Variants in ST8SIA1 observed in about 807,000 individuals in gnomAD.
ST8SIA1 encodes ST8 alpha-N-acetyl-neuraminide alpha-2,8-sialyltransferase 1.
ST8SIA1 carries 16 observed loss-of-function variants against 35.9 expected under a neutral mutation model. The ratio of observed to expected loss-of-function variants is 0.45; its 90% CI spans 0.30 to 0.68. The LOEUF (loss-of-function observed/expected upper bound fraction) is 0.68, where lower values mean the gene tolerates loss of function less well. ST8SIA1 is among the 30% of genes least tolerant of loss of function. The pLI, the probability that ST8SIA1 is intolerant of heterozygous loss-of-function variation, is 0.09. For missense variants in ST8SIA1, 383 were observed against 453.6 expected (o/e 0.84, Z 1.41); for synonymous variants, 170 against 169.6 (o/e 1.00, Z -0.02).
intron 1 of ST8SIA1, among the ~76,000 whole-genome samples, chr12:22,308,778 T>C (rs1183368601): frequency 6.6e-6 from 1 of 152,138 alleles, no homozygotes; most frequent in East Asian, 1.9e-4. Flanking sequence ...GTTGACCAAA[T>C]TTCTCCTTCT....
chr12:22,233,683 G>T (rs1015184270), intron 4 of ST8SIA1, among the ~76,000 whole-genome samples: 1 of 151,922 alleles, frequency 6.6e-6, no homozygotes, highest in African/African-American at 2.4e-5. Context: ...AAAGACCTAG[G>T]TTCAAGTGCC....
In ST8SIA1 at chr12:22,201,950, T is replaced by C. The variant is rs1298357330; in HGVS notation, c.673A>G (p.Met225Val). Reference protein sequence around the residue: ...HSYIYMPAFSMKTGTEPSLRV... With the variant: ...HSYIYMPAFSVKTGTEPSLRV... ...AAAGATGGCTCTGTTCCTGTCTTCA[T>C]AGAAAAGGCAGGCATGTAGATGTAA... Residue 225 changes from methionine to valine, a missense_variant, in exon 5 of 5, where the codon ATG becomes GTG. Physicochemically the swap from Met to Val is conservative, Grantham distance 21. Transcript: ENST00000396037. 2 of 1,614,008 alleles carry C rather than the reference T, an allele frequency of 1.2e-6. No individual in the cohort carries two copies. Among genetic ancestry groups the C allele is most frequent in the East Asian group, 2.2e-5 (1 of 44,874 alleles).
intron 1 of ST8SIA1, among the ~76,000 whole-genome samples, chr12:22,311,403 G>T (rs566215148): frequency 6.6e-6 from 1 of 152,162 alleles, no homozygotes; most frequent in South Asian, 2.1e-4. Context: ...AGAATCGAAG[G>T]ACTAGAAGGA....
At chr12:22,261,310 CT>C (rs889707176) in intron 2 of ST8SIA1, among the ~76,000 whole-genome samples, 7 of 151,570 alleles carry the variant, frequency 4.6e-5, no homozygotes, top group South Asian at 4.2e-4. Flanking sequence ...ACGCTCGGGT[CT>C]TTTTTTTGTA....
intron 2 of ST8SIA1, among the ~76,000 whole-genome samples, chr12:22,261,430 A>G (rs1186854165): frequency 6.6e-6 from 1 of 152,192 alleles, no homozygotes; most frequent in African/African-American, 2.4e-5. Flanking sequence ...TGCCCAGCCA[A>G]GGGTGTACTT....
chr12:22,249,199 C>T (rs945941861), intron 3 of ST8SIA1, 101 bp from the exon 4 acceptor site: 12 of 765,134 alleles, frequency 1.6e-5, no homozygotes, highest in Admixed American at 5.4e-5. Flanking sequence ...GCTGAATTCA[C>T]GAGTAACTGT....
intron 1 of ST8SIA1, among the ~76,000 whole-genome samples, chr12:22,305,429 G>A (rs1866372482): frequency 6.9e-6 from 1 of 144,608 alleles, no homozygotes; most frequent in South Asian, 2.2e-4. Flanking sequence ...CTCCCAGGCT[G>A]GAGTGCAATG....
chr12:22,280,555 T>C (rs1388998283), intron 2 of ST8SIA1, among the ~76,000 whole-genome samples: 1 of 107,522 alleles, frequency 9.3e-6, no homozygotes, highest in Non-Finnish European at 2.1e-5. Flanking sequence ...TCAAGTAATT[T>C]AGAAAGATCT....
chr12:22,217,732 C>T (rs1479678507), intron 4 of ST8SIA1, among the ~76,000 whole-genome samples: 1 of 152,208 alleles, frequency 6.6e-6, no homozygotes, highest in Non-Finnish European at 1.5e-5. Context: ...CTTTCATCAT[C>T]ATCATCACCA....
chr12:22,249,371 A>C (rs1285288764), intron 3 of ST8SIA1, among the ~76,000 whole-genome samples: 1 of 151,924 alleles, frequency 6.6e-6, no homozygotes, highest in Admixed American at 6.6e-5. Context: ...GGCACCTGCC[A>C]CCACACCCGG....
At chr12:22,284,222 C>CA (rs1431691298) in intron 2 of ST8SIA1, among the ~76,000 whole-genome samples, 1 of 152,136 alleles carries the variant, frequency 6.6e-6, no homozygotes, top group Non-Finnish European at 1.5e-5. Flanking sequence ...TGATGGCTAA[C>CA]ATATACGGAG....
rs540613973 is a variant in ST8SIA1 at position 22,207,209 on chromosome 12, T to C, written c.585-5171A>G. On this transcript the variant is annotated intron_variant, in intron 4 of 4. Coordinates refer to ENST00000396037, the MANE Select transcript of ST8SIA1 (RefSeq NM_003034.4). ...CTGCATGGAAGGGCTTTATGCACTC[T>C]GGGAGAAAATTTACATGTGGACAGG... Among the ~76,000 whole-genome samples the C allele has an allele frequency of 2.5e-4, 38 of 152,310 alleles. 1 individual carries two copies. Among genetic ancestry groups the C allele is most frequent in the Middle Eastern group, 6.8e-3 (2 of 294 alleles).
rs1864958492 is a variant in ST8SIA1, at chr12:22,194,369, A to G, written c.*7183T>C. On this transcript the variant is annotated 3_prime_UTR_variant, in exon 5 of 5. Transcript: ENST00000396037. ...CAATGAAGGATATTTACATACTATT[A>G]TCAGACTTCTCCAAGGCCTATAAAC... The G allele has an allele frequency of 6.6e-6, 1 of 152,226 alleles. No homozygotes were observed. Among genetic ancestry groups the G allele is most frequent in the Non-Finnish European group, 1.5e-5 (1 of 68,042 alleles). 9.4% of individuals were successfully genotyped at this position (152,226 alleles called of 1,614,324 possible).
At chr12:22,224,545 A>G (rs1409368802) in intron 4 of ST8SIA1, among the ~76,000 whole-genome samples, 2 of 152,130 alleles carry the variant, frequency 1.3e-5, no homozygotes, top group Non-Finnish European at 2.9e-5. Flanking sequence ...GATTATAAGC[A>G]TGAGCCACTG....
chr12:22,222,021 T>G (rs980685239), intron 4 of ST8SIA1, among the ~76,000 whole-genome samples: 1 of 152,172 alleles, frequency 6.6e-6, no homozygotes. Flanking sequence ...TTTGGAATCT[T>G]CTTAATAGTA....
intron 4 of ST8SIA1, among the ~76,000 whole-genome samples, chr12:22,245,924 G>T (rs12815085): frequency 0.12 from 18,955 of 152,244 alleles, 1,531 homozygotes; most frequent in Middle Eastern, 0.29. Flanking sequence ...GGAGGTTTCT[G>T]GGGGGTGGTG....
chr12:22,310,122 A>G (rs1380197628), intron 1 of ST8SIA1, among the ~76,000 whole-genome samples: 2 of 152,190 alleles, frequency 1.3e-5, no homozygotes, highest in Non-Finnish European at 2.9e-5. Context: ...CAGTTTTCTC[A>G]TTTATAAAAT....
intron 4 of ST8SIA1, among the ~76,000 whole-genome samples, chr12:22,243,985 G>A (rs919211694): frequency 5.3e-5 from 8 of 151,504 alleles, no homozygotes; most frequent in African/African-American, 1.5e-4. Flanking sequence ...AGCCAAGATC[G>A]CACCACTGTA....
At chr12:22,308,805 CT>C (rs2135830721) in intron 1 of ST8SIA1, among the ~76,000 whole-genome samples, 1 of 152,258 alleles carries the variant, frequency 6.6e-6, no homozygotes, top group Admixed American at 6.5e-5. Context: ...TCTCCCTTCC[CT>C]GATATCCACG....
Sources: allele counts gnomAD v4.1 joint callset (sites outside exome capture counted in the v4.1 genomes callset), GRCh38; gene constraint gnomAD v4.1.1; transcripts MANE v1.5; gene names NCBI Gene and HGNC (gene_info 2026-07-23, HGNC 2026-07-21).